The following SCAF4 variants were observed in gnomAD, a reference collection of about 807,000 sequenced individuals.
SCAF4 encodes the protein SR-related CTD associated factor 4.
In SCAF4, 25 loss-of-function variants were observed where a neutral mutation model predicts 129.8. That is an observed-to-expected ratio of 0.19 (90% confidence interval 0.14 to 0.27). The LOEUF (loss-of-function observed/expected upper bound fraction) is 0.27, where lower values mean the gene tolerates loss of function less well. SCAF4 is among the 10% of genes least tolerant of loss of function. The pLI, the probability that SCAF4 is intolerant of heterozygous loss-of-function variation, is 1.00. For synonymous variants in SCAF4, 551 were observed against 497.7 expected (o/e 1.11, Z -1.43); for missense variants, 1,246 against 1,457.1 (o/e 0.86, Z 2.36).
intron 1 of SCAF4, among the ~76,000 whole-genome samples, chr21:31,714,369 T>G (rs1004154427): frequency 6.6e-6 from 1 of 152,088 alleles, no homozygotes; most frequent in African/African-American, 2.4e-5. Context: ...CCCCTCCAAA[T>G]ACAAGACTTC....
rs375764477 is a variant in SCAF4 at position 31,685,276 on chromosome 21, ATAAT to A, written c.2297-40_2297-37del. 2.7e-4 allele frequency: 409 copies of A among 1,520,660 alleles called. 2 individuals are homozygous for A. In the East Asian group the frequency reaches 4.0e-3, roughly 15 times the overall value. 94.2% of individuals were successfully genotyped at this position (1,520,660 alleles called of 1,614,324 possible). ...TAATTATATCAACATGTGAAGCTGA[ATAAT>A]TAATTATCTCCCGGTCAACATTCTT... On this transcript the variant is annotated intron_variant, in intron 18 of 19. Coordinates refer to ENST00000286835, the MANE Select transcript of SCAF4 (RefSeq NM_020706.2).
chr21:31,680,936 G>A (rs188282449), intron 19 of SCAF4, among the ~76,000 whole-genome samples: 2 of 152,116 alleles, frequency 1.3e-5, no homozygotes, highest in East Asian at 1.9e-4. Context: ...AAACATTTGC[G>A]CTTGTTTAAA....
chr21:31,694,292 TA>T lies in SCAF4; in HGVS notation c.1237-4del. 1.9e-6 allele frequency: 3 copies of T among 1,567,810 alleles called. No homozygotes were observed. The highest frequency in any genetic ancestry group is 1.7e-6 in the Non-Finnish European group (2 of 1,145,578). ...CAAGGTTGTTCTACTTCCATTTCCT[TA>T]AAAAACAAAAACCATGATAAAATGA... is the stretch of plus-strand genomic sequence containing the variant. On this transcript the variant is annotated splice_polypyrimidine_tract_variant and splice_region_variant and intron_variant, in intron 10 of 19. Transcript: ENST00000286835.
intron 1 of SCAF4, among the ~76,000 whole-genome samples, chr21:31,722,987 T>C (rs1243396174): frequency 6.6e-6 from 1 of 151,776 alleles, no homozygotes; most frequent in East Asian, 1.9e-4. Flanking sequence ...CTGAAAAAAA[T>C]ACATGGATAG....
chr21:31,707,480 T>TAAGG (rs138373278), intron 1 of SCAF4, among the ~76,000 whole-genome samples: 11,166 of 152,190 alleles, frequency 0.073, 557 homozygotes, highest in African/African-American at 0.15. Flanking sequence ...AACCAAAACA[T>TAAGG]AGAGTCCATA....
intron 12 of SCAF4, 129 bp from the exon 13 acceptor site, chr21:31,692,578 T>A: frequency 1.7e-6 from 1 of 574,792 alleles, no homozygotes; most frequent in Non-Finnish European, 3.0e-6. Flanking sequence ...AAATAGTAAA[T>A]CTCACATACA....
chr21:31,692,555 ACAC>A, intron 12 of SCAF4, 106 bp from the exon 13 acceptor site: 3 of 677,220 alleles, frequency 4.4e-6, no homozygotes, highest in East Asian at 5.5e-5. Flanking sequence ...CTATATTACA[ACAC>A]CACAAGTTTA....
chr21:31,678,368 T>C (rs376032773), intron 19 of SCAF4, among the ~76,000 whole-genome samples: 3 of 152,138 alleles, frequency 2.0e-5, no homozygotes, highest in African/African-American at 7.2e-5. Context: ...ATCTTCAAAA[T>C]ATCTTCAGAC....
chr21:31,721,085 T>C (rs1200745019), intron 1 of SCAF4, among the ~76,000 whole-genome samples: 1 of 152,192 alleles, frequency 6.6e-6, no homozygotes, highest in Non-Finnish European at 1.5e-5. Flanking sequence ...ATCAACACTT[T>C]ATAGAGTATT....
At chr21:31,701,331 T>C (rs2050526534) in intron 6 of SCAF4, among the ~76,000 whole-genome samples, 160 bp from the exon 7 acceptor site, 1 of 152,242 alleles carries the variant, frequency 6.6e-6, no homozygotes, top group African/African-American at 2.4e-5. Flanking sequence ...TTGTTGTGAA[T>C]GAATATACAG....
At chr21:31,673,443 T>C (rs111282803) in intron 19 of SCAF4, among the ~76,000 whole-genome samples, 6 of 151,146 alleles carry the variant, frequency 4.0e-5, no homozygotes, top group African/African-American at 1.2e-4. Flanking sequence ...AGAAAAATAC[T>C]TGGGTGACAC....
At position 31,688,477 on chromosome 21, in the gene SCAF4, A is replaced by T; in HGVS notation, c.1886-13T>A. The T allele has an allele frequency of 6.2e-7, 1 of 1,607,272 alleles. No homozygotes were observed. The highest frequency in any genetic ancestry group is 1.3e-5 in the African/African-American group (1 of 74,850). ...ATTCCTTTCCAATCTGTGAGCGTGA[A>T]AGAAATTTAACAAGAGTTTACCATT... is the stretch of plus-strand genomic sequence containing the variant. On this transcript the variant is annotated splice_polypyrimidine_tract_variant and intron_variant, in intron 15 of 19. Coordinates refer to ENST00000286835, the MANE Select transcript of SCAF4 (RefSeq NM_020706.2).
rs771870355 is a variant in SCAF4 at position 31,685,741 on chromosome 21, G to C, written c.2044-8C>G. On this transcript the variant is annotated splice_polypyrimidine_tract_variant and splice_region_variant and intron_variant, in intron 16 of 19. Coordinates refer to ENST00000286835, the MANE Select transcript of SCAF4 (RefSeq NM_020706.2). ...CGGTTGATGTGGTGGGACCTAGAAA[G>C]AAAGATAAAAGAATAAACCACCTAT... 3 of 1,564,972 alleles carry C rather than the reference G, an allele frequency of 1.9e-6. No individual in the cohort carries two copies. The South Asian group carries it at 3.7e-5, about 19-fold the overall frequency.
chr21:31,725,108 T>C (rs1340346005), intron 1 of SCAF4, among the ~76,000 whole-genome samples: 2 of 152,178 alleles, frequency 1.3e-5, no homozygotes, highest in African/African-American at 2.4e-5. Context: ...CAGCACAACA[T>C]GGTCAACTTT....
intron 6 of SCAF4, 32 bp from the exon 7 acceptor site, chr21:31,701,203 A>T: frequency 6.6e-7 from 1 of 1,508,620 alleles, no homozygotes; most frequent in Non-Finnish European, 8.9e-7. Context: ...TAAATCACAG[A>T]ACAAAGTATA....
chr21:31,694,170 T>C (rs754227836), intron 11 of SCAF4, 34 bp downstream of exon 11: 7 of 1,211,712 alleles, frequency 5.8e-6, no homozygotes, highest in Middle Eastern at 1.9e-4. Flanking sequence ...CCCTAAGATA[T>C]ACAGGGTTGG....
Position 31,696,141 on chromosome 21 carries a change from C to A in SCAF4, c.1040G>T (p.Gly347Val), listed in dbSNP as rs780807997. Residue 347 changes from glycine to valine, a missense_variant, in exon 9 of 20, where the codon GGA becomes GTA. This residue lies in a region of SCAF4 where 236 missense variants were observed against 210.0 expected (regional missense o/e 1.12). Transcript: ENST00000286835. Reference sequence around the variant, plus strand: ...ATGGTGCATTGGATCCTGTTGTATTCCCATCATTCGTGGCTGAAACTGATC... The same window carrying A: ...ATGGTGCATTGGATCCTGTTGTATTACCATCATTCGTGGCTGAAACTGATC... ...NMDQFQPRMM[G>V]IQQDPMHHQV... The A allele has an allele frequency of 6.8e-5, 110 of 1,613,186 alleles. No individual in the cohort carries two copies. The East Asian group carries it at 6.9e-4, about 10-fold the overall frequency.
At chr21:31,724,034 A>G (rs545437204) in intron 1 of SCAF4, among the ~76,000 whole-genome samples, 2 of 152,308 alleles carry the variant, frequency 1.3e-5, no homozygotes, top group East Asian at 3.9e-4. Flanking sequence ...ACTGGAATAT[A>G]GGGTTTCTGT....
At chr21:31,716,652 C>T (rs934754819) in intron 1 of SCAF4, among the ~76,000 whole-genome samples, 3 of 152,028 alleles carry the variant, frequency 2.0e-5, no homozygotes, top group African/African-American at 7.2e-5. Context: ...GATGCTTTAT[C>T]CATCTAATTT....
Sources: allele counts gnomAD v4.1 joint callset (sites outside exome capture counted in the v4.1 genomes callset), GRCh38; gene constraint gnomAD v4.1.1; regional missense constraint gnomAD v4.1.1; transcripts MANE v1.5; gene names NCBI Gene and HGNC (gene_info 2026-07-23, HGNC 2026-07-21).